The following CSMD1 variants were observed in gnomAD, a reference collection of about 807,000 sequenced individuals.
CSMD1 encodes CUB and Sushi multiple domains 1.
In CSMD1, 213 loss-of-function variants were observed where a neutral mutation model predicts 417.5. The ratio of observed to expected loss-of-function variants is 0.51; its 90% CI spans 0.46 to 0.57. The LOEUF is 0.57. CSMD1 is among the 20% of genes least tolerant of loss of function. The pLI, the probability that CSMD1 is intolerant of heterozygous loss-of-function variation, is 0.00. For synonymous variants in CSMD1, 2,862 were observed against 1,736.8 expected, an observed-to-expected ratio of 1.65 and a Z score of -16.11; for missense variants, 6,923 against 4,529.7, an observed-to-expected ratio of 1.53 and a Z score of -15.17.
At chr8:3,460,064 T>A (rs1015988267) in intron 12 of CSMD1, among the ~76,000 whole-genome samples, 1 of 152,180 alleles carries the variant, frequency 6.6e-6, no homozygotes, top group Non-Finnish European at 1.5e-5. Context: ...GGTCCTTGCA[T>A]TCCCAGAGCT....
chr8:3,050,149 G>C (rs2128988310), intron 50 of CSMD1, among the ~76,000 whole-genome samples: 1 of 150,098 alleles, frequency 6.7e-6, no homozygotes, highest in East Asian at 2.0e-4. Context: ...CCTAAGACCA[G>C]TTGCCTCAGA....
At chr8:4,894,037 TTTTG>T (rs1413672392) in intron 1 of CSMD1, among the ~76,000 whole-genome samples, 2 of 152,100 alleles carry the variant, frequency 1.3e-5, no homozygotes, top group East Asian at 1.9e-4. Flanking sequence ...CTTTGATTTA[TTTTG>T]TTTAAGTTGT....
chr8:4,535,219 C>G (rs192362774), intron 2 of CSMD1, among the ~76,000 whole-genome samples: 1 of 152,208 alleles, frequency 6.6e-6, no homozygotes, highest in African/African-American at 2.4e-5. Context: ...ATAACATAGT[C>G]AATAACTACA....
chr8:3,637,829 A>C (rs7007635), intron 7 of CSMD1, among the ~76,000 whole-genome samples: 72,509 of 151,890 alleles, frequency 0.48, 17,422 homozygotes, highest in Middle Eastern at 0.64. Context: ...GGGGGCCAGT[A>C]TTTCTTGTGC....
chr8:3,597,881 A>C (rs1263976845), intron 8 of CSMD1, among the ~76,000 whole-genome samples: 1 of 152,180 alleles, frequency 6.6e-6, no homozygotes, highest in Non-Finnish European at 1.5e-5. Context: ...GAAATACCTA[A>C]TGTAAATGAT....
intron 30 of CSMD1, among the ~76,000 whole-genome samples, chr8:3,212,495 T>C (rs1184592753): frequency 6.6e-6 from 1 of 152,100 alleles, no homozygotes; most frequent in Non-Finnish European, 1.5e-5. Context: ...ACTACAGGCA[T>C]GAGCCACCAC....
chr8:4,950,500 T>G (rs1001188975), intron 1 of CSMD1, among the ~76,000 whole-genome samples: 1 of 152,216 alleles, frequency 6.6e-6, no homozygotes, highest in African/African-American at 2.4e-5. Context: ...AGCCTACATC[T>G]ATTAAACATA....
chr8:3,257,899 C>G (rs1208619029), intron 26 of CSMD1, among the ~76,000 whole-genome samples: 1 of 152,098 alleles, frequency 6.6e-6, no homozygotes, highest in African/African-American at 2.4e-5. Context: ...GAAAATGTTA[C>G]AAGGGCGTGA....
intron 3 of CSMD1, among the ~76,000 whole-genome samples, chr8:4,245,458 G>T (rs1029042038): frequency 1.3e-5 from 2 of 152,100 alleles, no homozygotes; most frequent in African/African-American, 4.8e-5. Flanking sequence ...ACAATCACGA[G>T]ACACCCAACT....
At chr8:3,977,636 G>A (rs1441738486) in intron 5 of CSMD1, among the ~76,000 whole-genome samples, 1 of 152,152 alleles carries the variant, frequency 6.6e-6, no homozygotes, top group Non-Finnish European at 1.5e-5. Context: ...TGCCACTCTT[G>A]AGAGAAATCT....
chr8:3,998,231 C>G (rs1815376165), intron 4 of CSMD1, 121 bp from the exon 5 acceptor site: 2 of 762,088 alleles, frequency 2.6e-6, no homozygotes, highest in Admixed American at 3.0e-5. Context: ...AATTGAGACA[C>G]TCAATCTGAA....
At chr8:4,070,382 G>A (rs748161771) in intron 3 of CSMD1, among the ~76,000 whole-genome samples, 43 of 152,206 alleles carry the variant, frequency 2.8e-4, no homozygotes, top group African/African-American at 7.0e-4. Context: ...TTTTGAGACA[G>A]AGTCTCGCTG....
At chr8:3,332,199 T>C (rs1806949207) in intron 23 of CSMD1, among the ~76,000 whole-genome samples, 1 of 152,240 alleles carries the variant, frequency 6.6e-6, no homozygotes, top group African/African-American at 2.4e-5. Context: ...AACTACTGCT[T>C]GATGGCATGA....
chr8:3,947,931 G>A (rs922139257), intron 5 of CSMD1, among the ~76,000 whole-genome samples: 8 of 152,128 alleles, frequency 5.3e-5, no homozygotes, highest in African/African-American at 1.7e-4. Flanking sequence ...GTAGGCTGGG[G>A]GTGGCGTCTC....
intron 8 of CSMD1, among the ~76,000 whole-genome samples, chr8:3,603,168 G>C (rs80322950): frequency 6.6e-6 from 1 of 152,198 alleles, no homozygotes. Flanking sequence ...TTCTTAAGTA[G>C]TTCTTAAAAA....
chr8:3,387,328 T>A (rs1241114617), intron 18 of CSMD1, among the ~76,000 whole-genome samples, 166 bp downstream of exon 18: 1 of 152,134 alleles, frequency 6.6e-6, no homozygotes, highest in Non-Finnish European at 1.5e-5. Context: ...GTAGGTAAAC[T>A]TCAAATGATC....
At chr8:3,259,529 G>A (rs912590010) in intron 26 of CSMD1, among the ~76,000 whole-genome samples, 1 of 152,194 alleles carries the variant, frequency 6.6e-6, no homozygotes, top group Non-Finnish European at 1.5e-5. Flanking sequence ...TCTGTAAGGG[G>A]TAGGTTATTT....
chr8:4,123,088 A>G (rs1283720926), intron 3 of CSMD1, among the ~76,000 whole-genome samples: 1 of 152,234 alleles, frequency 6.6e-6, no homozygotes, highest in African/African-American at 2.4e-5. Flanking sequence ...AATGCCAGTG[A>G]GATTGGAAAA....
At chr8:4,717,339 G>A (rs7822124) in intron 1 of CSMD1, among the ~76,000 whole-genome samples, 2,880 of 63,720 alleles carry the variant, frequency 0.045, 120 homozygotes, top group African/African-American at 0.27. Context: ...ACACACACAC[G>A]TATATATACA....
Sources: gnomAD v4.1 joint callset for allele counts (sites outside exome capture counted in the v4.1 genomes callset) on GRCh38, gnomAD v4.1.1 for gene constraint, MANE v1.5 for transcripts, NCBI Gene and HGNC (gene_info 2026-07-23, HGNC 2026-07-21) for gene names.